The following RGS6 variants were observed in gnomAD, a reference collection of about 807,000 sequenced individuals.
RGS6 encodes the protein regulator of G protein signaling 6, also known as regulator of G-protein signaling 6.
Under a neutral mutation model 78.5 loss-of-function variants are expected in RGS6, and 30 were observed. That is an observed-to-expected ratio of 0.38 (90% CI 0.29 to 0.52). RGS6 has a LOEUF of 0.52. RGS6 is among the 20% of genes least tolerant of loss of function. RGS6 has a pLI of 0.85. For synonymous variants in RGS6, 206 were observed against 206.0 expected (o/e 1.00, Z 0.00); for missense variants, 495 against 609.7 (o/e 0.81, Z 1.98).
At chr14:72,016,780 T>G (rs2087096168) in intron 2 of RGS6, among the ~76,000 whole-genome samples, 1 of 152,236 alleles carries the variant, frequency 6.6e-6, no homozygotes, top group African/African-American at 2.4e-5. Context: ...GAATTTTTTT[T>G]GGCTATTCTA....
chr14:72,217,413 C>G (rs1599714607), intron 2 of RGS6, among the ~76,000 whole-genome samples: 1 of 152,124 alleles, frequency 6.6e-6, no homozygotes, highest in East Asian at 1.9e-4. Context: ...GGTAAGAAGA[C>G]CTCTAGCATG....
At chr14:72,040,392 G>A (rs1276796547) in intron 2 of RGS6, among the ~76,000 whole-genome samples, 5 of 150,214 alleles carry the variant, frequency 3.3e-5, no homozygotes, top group Non-Finnish European at 7.4e-5. Flanking sequence ...ATGGTATTTT[G>A]TGTTGGCTTT....
intron 15 of RGS6, among the ~76,000 whole-genome samples, chr14:72,531,785 C>T (rs966125016): frequency 6.6e-6 from 1 of 152,188 alleles, no homozygotes; most frequent in Non-Finnish European, 1.5e-5. Flanking sequence ...TGGTCTCATA[C>T]ACTTATTGTT....
chr14:72,287,564 C>G (rs180979438), intron 2 of RGS6, among the ~76,000 whole-genome samples: 1 of 152,274 alleles, frequency 6.6e-6, no homozygotes, highest in African/African-American at 2.4e-5. Context: ...TCAAGTGATT[C>G]TCCTGCCTCA....
At chr14:72,547,730 C>T (rs1349053873) in intron 17 of RGS6, among the ~76,000 whole-genome samples, 1 of 4,244 alleles carries the variant, frequency 2.4e-4, no homozygotes, top group East Asian at 6.9e-3. Context: ...GCCACCCCAG[C>T]AGTGGCAGGG....
At position 72,250,028 on chromosome 14, in the gene RGS6, G is replaced by A. The variant is rs530799768; in HGVS notation, c.85-102067G>A. Among the ~76,000 whole-genome samples the A allele has an allele frequency of 8.7e-4, 125 of 143,640 alleles. 1 individual carries two copies. Among genetic ancestry groups the A allele is most frequent in the Middle Eastern group, 7.6e-3 (2 of 262 alleles). The allele number at this position is 143,640 out of a possible 152,430, so 94.2% of individuals were successfully genotyped here. A position where few individuals can be genotyped will look rare whatever the true frequency, so the allele number is the denominator to read the frequency against. ...CACCGCATATTCTCACTCATAGGTG[G>A]GAATTGAACAGTGAGATCACATGGA... On this transcript the variant is annotated intron_variant, in intron 2 of 17. Transcript: ENST00000553525.
At chr14:72,257,696 T>C (rs1486626551) in intron 2 of RGS6, among the ~76,000 whole-genome samples, 10 of 151,992 alleles carry the variant, frequency 6.6e-5, no homozygotes, top group Admixed American at 5.9e-4. Flanking sequence ...AGTAAGACAA[T>C]AGCTGAGGAG....
intron 2 of RGS6, among the ~76,000 whole-genome samples, chr14:72,283,036 T>C (rs1311459651): frequency 6.6e-6 from 1 of 152,258 alleles, no homozygotes; most frequent in Non-Finnish European, 1.5e-5. Flanking sequence ...TATTTGTCCT[T>C]CTGTGACTGG....
intron 2 of RGS6, among the ~76,000 whole-genome samples, chr14:72,012,703 A>G (rs1332116529): frequency 6.6e-6 from 1 of 152,086 alleles, no homozygotes; most frequent in Non-Finnish European, 1.5e-5. Context: ...TCTAAGGCAA[A>G]GGCAATTTTG....
intron 15 of RGS6, among the ~76,000 whole-genome samples, chr14:72,530,595 G>A (rs1289809973): frequency 1.3e-5 from 2 of 152,058 alleles, no homozygotes; most frequent in African/African-American, 4.8e-5. Context: ...GGAGGCTGAG[G>A]CAGGAGGATT....
chr14:72,510,501 A>C lies in RGS6; in HGVS notation c.1091+222A>C, dbSNP rs149407218. On this transcript the variant is annotated intron_variant, in intron 14 of 17. Coordinates refer to ENST00000553525, the MANE Select transcript of RGS6 (RefSeq NM_001204424.2). ...CACCAGCATGTTTCAGTTCAAGTCTATATGACCTTTGTGCGACTAATTGGA... is the reference window on the plus strand; with the variant it reads ...CACCAGCATGTTTCAGTTCAAGTCTCTATGACCTTTGTGCGACTAATTGGA... Among the ~76,000 whole-genome samples, 224 of 152,380 alleles carry C rather than the reference A, an allele frequency of 1.5e-3. 1 individual carries two copies. Among genetic ancestry groups the C allele is most frequent in the African/African-American group, 5.2e-3 (216 of 41,590 alleles).
chr14:72,608,072 G>A, the RGS6 span, among the ~76,000 whole-genome samples: 8 of 152,060 alleles, frequency 5.3e-5, no homozygotes, highest in South Asian at 2.1e-4. Context: ...CTGACTGATC[G>A]AGACCAGGGA....
intron 2 of RGS6, among the ~76,000 whole-genome samples, chr14:72,268,078 T>G (rs1233891640): frequency 6.6e-6 from 1 of 152,240 alleles, no homozygotes. Context: ...AAATGGTTTT[T>G]AAGATATTTC....
At chr14:71,883,788 T>G in the RGS6 span, among the ~76,000 whole-genome samples, 8 of 152,112 alleles carry the variant, frequency 5.3e-5, no homozygotes, top group African/African-American at 1.7e-4. Flanking sequence ...TAAAAGATAC[T>G]CCCACCAGTG....
At chr14:71,997,300 G>A (rs2095242170) in intron 2 of RGS6, among the ~76,000 whole-genome samples, 1 of 152,072 alleles carries the variant, frequency 6.6e-6, no homozygotes, top group African/African-American at 2.4e-5. Context: ...TTCACACTTG[G>A]GCATGGTGAG....
intron 2 of RGS6, among the ~76,000 whole-genome samples, chr14:72,039,186 A>G (rs2092102538): frequency 6.6e-6 from 1 of 152,244 alleles, no homozygotes; most frequent in Admixed American, 6.5e-5. Context: ...AATAAGTTGA[A>G]GTAAACATAA....
chr14:72,247,063 A>G (rs1319152482), intron 2 of RGS6, among the ~76,000 whole-genome samples: 1 of 152,158 alleles, frequency 6.6e-6, no homozygotes, highest in African/African-American at 2.4e-5. Flanking sequence ...TCCTGCACCT[A>G]GAATGTTTTC....
At chr14:71,883,515 T>A in the RGS6 span, among the ~76,000 whole-genome samples, 1 of 151,964 alleles carries the variant, frequency 6.6e-6, no homozygotes, top group Non-Finnish European at 1.5e-5. Context: ...CAGAGGCATC[T>A]AAACCAGAGC....
chr14:72,392,910 G>C (rs1254498417), intron 3 of RGS6, among the ~76,000 whole-genome samples: 1 of 152,200 alleles, frequency 6.6e-6, no homozygotes, highest in Non-Finnish European at 1.5e-5. Context: ...CAGAGATTGA[G>C]AAGCAGCAGC....
Sources: allele counts gnomAD v4.1 joint callset (sites outside exome capture counted in the v4.1 genomes callset), GRCh38; gene constraint gnomAD v4.1.1; transcripts MANE v1.5; gene names NCBI Gene and HGNC (gene_info 2026-07-23, HGNC 2026-07-21).